The following SGTA variants were observed in gnomAD, a reference collection of about 807,000 sequenced individuals.
SGTA encodes the protein small glutamine-rich tetratricopeptide repeat-containing protein alpha.
Under a neutral mutation model 44.3 loss-of-function variants are expected in SGTA, and 22 were observed. The ratio of observed to expected loss-of-function variants is 0.50; its 90% confidence interval spans 0.36 to 0.71. The LOEUF is 0.71. SGTA is among the 30% of genes least tolerant of loss of function. The pLI, the probability that SGTA is intolerant of heterozygous loss-of-function variation, is 0.00. For synonymous variants in SGTA, 174 were observed against 177.6 expected (o/e 0.98, Z 0.16); for missense variants, 341 against 435.9 (o/e 0.78, Z 1.94).
chr19:2,775,434 C>G (rs372406626), intron 1 of SGTA, among the ~76,000 whole-genome samples: 3 of 152,362 alleles, frequency 2.0e-5, no homozygotes, highest in African/African-American at 7.2e-5. Context: ...CAGATGACAC[C>G]GGCGACGTGG....
rs1915178922 is a variant in SGTA at position 2,767,509 on chromosome 19, G to C, written c.207+71C>G. ...GGGGACGATGAGAGCGGGGCTCCTG[G>C]GGTCCCCAGGGCTGCCTGCTGTTGC... On this transcript the variant is annotated intron_variant, in intron 3 of 11. Coordinates refer to ENST00000221566, the MANE Select transcript of SGTA (RefSeq NM_003021.4). This position sits in a 1 kb window ranked among gnomAD's most constrained non-coding sequence, Gnocchi z 7.3. 7.8e-7 allele frequency: 1 copy of C among 1,283,814 alleles called. No homozygotes were observed. Among genetic ancestry groups the C allele is most frequent in the Non-Finnish European group, 1.1e-6 (1 of 888,996 alleles). The allele number at this position is 1,283,814 out of a possible 1,614,324, so 79.5% of individuals were successfully genotyped here.
At chr19:2,781,387 A>C (rs1915571073) in intron 1 of SGTA, among the ~76,000 whole-genome samples, 1 of 152,224 alleles carries the variant, frequency 6.6e-6, no homozygotes, top group South Asian at 2.1e-4. Flanking sequence ...GATTGTCTTC[A>C]GCTCTGCAGG....
intron 1 of SGTA, among the ~76,000 whole-genome samples, chr19:2,774,550 G>A (rs375016273): frequency 9.2e-5 from 14 of 152,128 alleles, no homozygotes; most frequent in East Asian, 1.9e-4. Context: ...ACCCGTGCAC[G>A]CGTACACAGA....
At chr19:2,775,796 A>G (rs1222914285) in intron 1 of SGTA, among the ~76,000 whole-genome samples, 1 of 152,192 alleles carries the variant, frequency 6.6e-6, no homozygotes, top group Non-Finnish European at 1.5e-5. Context: ...GAAGGCACCA[A>G]ATGCCACTGA....
chr19:2,771,458 C>T (rs1004856168), intron 1 of SGTA, among the ~76,000 whole-genome samples: 13 of 152,024 alleles, frequency 8.6e-5, no homozygotes, highest in Non-Finnish European at 8.8e-5. Flanking sequence ...TGGTGAGTCT[C>T]GTGGCATAGA....
At chr19:2,778,382 G>C (rs1915491959) in intron 1 of SGTA, among the ~76,000 whole-genome samples, 1 of 152,150 alleles carries the variant, frequency 6.6e-6, no homozygotes, top group South Asian at 2.1e-4. Flanking sequence ...GACCCAATGA[G>C]GGTTCAGAAA....
At chr19:2,774,882 C>G (rs1049036395) in intron 1 of SGTA, among the ~76,000 whole-genome samples, 2 of 152,170 alleles carry the variant, frequency 1.3e-5, no homozygotes, top group Non-Finnish European at 2.9e-5. Context: ...GCGTGCATGT[C>G]TCTCCAGATT....
At position 2,763,254 on chromosome 19, in the gene SGTA, A is replaced by G. The variant is rs1915052339; in HGVS notation, c.497+399T>C. Among the ~76,000 whole-genome samples, 1 of 152,206 alleles carries G rather than the reference A, an allele frequency of 6.6e-6. No individual in the cohort carries two copies. The highest frequency in any genetic ancestry group is 2.4e-5 in the African/African-American group (1 of 41,444). On this transcript the variant is annotated intron_variant, in intron 6 of 11. Coordinates refer to ENST00000221566, the MANE Select transcript of SGTA (RefSeq NM_003021.4). This position sits in a 1 kb window ranked among gnomAD's most constrained non-coding sequence, Gnocchi z 5.8. The stretch of plus-strand genomic sequence containing the variant: ...ATGCTGGGAGGGCGGCACCGGCTGC[A>G]CGGGGCGCAGGCTCCTGCCCCGGGG...
intron 1 of SGTA, among the ~76,000 whole-genome samples, chr19:2,780,567 G>A (rs1220618679): frequency 6.6e-6 from 1 of 152,106 alleles, no homozygotes; most frequent in Non-Finnish European, 1.5e-5. Flanking sequence ...GCCCAACTCC[G>A]CCAGGAGAGA....
At chr19:2,764,959 C>A (rs1915098375) in intron 5 of SGTA, among the ~76,000 whole-genome samples, 1 of 152,140 alleles carries the variant, frequency 6.6e-6, no homozygotes, top group African/African-American at 2.4e-5. Context: ...GATCTTTCCC[C>A]CATGGCCTCC....
intron 1 of SGTA, among the ~76,000 whole-genome samples, chr19:2,771,390 C>G (rs1915298651): frequency 6.6e-6 from 1 of 152,090 alleles, no homozygotes. Flanking sequence ...CACCACTGCA[C>G]TCCAGCCTGG....
In SGTA at chr19:2,762,523, G is replaced by A; in HGVS notation, c.619C>T (p.Arg207Trp). The A allele has an allele frequency of 6.2e-7, 1 of 1,613,936 alleles. No homozygotes were observed. Among genetic ancestry groups the A allele is most frequent in the Non-Finnish European group, 8.5e-7 (1 of 1,179,940 alleles). ...SNLKIAELKL[R>W]EAPSPTGGVG... ...GCACTCACGGGGCTGGGGGCCTCCC[G>A]CAGCTTCAGCTCCGCTATCTTGAGG... The change falls in exon 7 of 12, where the codon CGG becomes TGG. Residue 207 changes from arginine (R) to tryptophan (W), a missense_variant. Physicochemically the swap from Arg to Trp is moderately radical, Grantham distance 101. Coordinates refer to ENST00000221566, the MANE Select transcript of SGTA (RefSeq NM_003021.4).
At chr19:2,775,366 G>A (rs1915422375) in intron 1 of SGTA, among the ~76,000 whole-genome samples, 1 of 152,184 alleles carries the variant, frequency 6.6e-6, no homozygotes, top group African/African-American at 2.4e-5. Context: ...CCCACCCCGC[G>A]CCAGAGACAA....
chr19:2,758,351 A>T (rs912526227), intron 9 of SGTA, among the ~76,000 whole-genome samples: 1 of 152,144 alleles, frequency 6.6e-6, no homozygotes, highest in African/African-American at 2.4e-5. Flanking sequence ...CAACATGGTG[A>T]AACCCCATCT....
At position 2,767,776 on chromosome 19, in the gene SGTA, T is replaced by TC; in HGVS notation, c.101-91dup. 1 of 947,646 alleles carries TC rather than the reference T, an allele frequency of 1.1e-6. No homozygotes were observed. The highest frequency in any genetic ancestry group is 1.7e-6 in the Non-Finnish European group (1 of 592,302). The allele number at this position is 947,646 out of a possible 1,614,324, so 58.7% of individuals were successfully genotyped here. A position where few individuals can be genotyped will look rare whatever the true frequency, so the allele number is the denominator to read the frequency against. ...AGAGGGCGGGGTTGGTGCTCATGCT[T>TC]CCCCAGGTGTGTTCATTCCCAAGGA... On this transcript the variant is annotated intron_variant, in intron 2 of 11. Coordinates refer to ENST00000221566, the MANE Select transcript of SGTA (RefSeq NM_003021.4). The surrounding 1 kb of genome is among the most constrained non-coding windows in gnomAD (Gnocchi z 7.3).
chr19:2,759,481 C>T (rs1273074715), intron 8 of SGTA, 187 bp from the exon 9 acceptor site: 2 of 593,544 alleles, frequency 3.4e-6, no homozygotes, highest in Non-Finnish European at 6.0e-6. Context: ...CGAGCTGTGA[C>T]CTCCACATTG....
In SGTA at chr19:2,767,161, T is replaced by C. The variant is rs1308785078; in HGVS notation, c.267A>G (p.Ala89=). The C allele has an allele frequency of 6.2e-7, 1 of 1,612,632 alleles. No individual in the cohort carries two copies. The highest frequency in any genetic ancestry group is 1.3e-5 in the African/African-American group (1 of 74,888). ...CTTCGGTTTTGAGGCGCTCTGCCTCTGCTGAGTCCTCCTCGGAAGGCGGGG... is the reference window on the plus strand; with the variant it reads ...CTTCGGTTTTGAGGCGCTCTGCCTCCGCTGAGTCCTCCTCGGAAGGCGGGG... The part of the protein sequence containing the change: ...ARTPPSEEDS[A]EAERLKTEGN... Residue 89 remains alanine, a synonymous_variant, in exon 4 of 12, where the codon GCA becomes GCG. Transcript: ENST00000221566. This position sits in a 1 kb window ranked among gnomAD's most constrained non-coding sequence, Gnocchi z 7.3.
At chr19:2,768,798 C>T (rs985849087) in intron 2 of SGTA, among the ~76,000 whole-genome samples, 171 bp downstream of exon 2, 3 of 152,234 alleles carry the variant, frequency 2.0e-5, no homozygotes, top group African/African-American at 7.2e-5. Context: ...GGCCCTGGCT[C>T]CCACGGCCGG....
chr19:2,778,397 A>C (rs1348243401), intron 1 of SGTA, among the ~76,000 whole-genome samples: 2 of 152,078 alleles, frequency 1.3e-5, no homozygotes, highest in Non-Finnish European at 2.9e-5. Flanking sequence ...CAGAAAGTGG[A>C]AAGAGTTGCA....
Sources: allele counts gnomAD v4.1 joint callset (sites outside exome capture counted in the v4.1 genomes callset), GRCh38; gene constraint gnomAD v4.1.1; non-coding constraint Gnocchi (gnomAD v3.1); transcripts MANE v1.5; gene names NCBI Gene and HGNC (gene_info 2026-07-23, HGNC 2026-07-21).